Variants in SPAG16 observed in about 807,000 individuals in gnomAD.
SPAG16 encodes sperm associated antigen 16.
SPAG16 carries 86 observed loss-of-function variants against 80.4 expected under a neutral mutation model. The observed-to-expected ratio is 1.07, with a 90% confidence interval of 0.90 to 1.28. SPAG16 has a LOEUF of 1.28. SPAG16 is among the 50% of genes most tolerant of loss of function. The pLI is 0.00. For synonymous variants in SPAG16, 294 were observed against 265.9 expected, an observed-to-expected ratio of 1.11 and a Z score of -1.03; for missense variants, 870 against 765.3, an observed-to-expected ratio of 1.14 and a Z score of -1.61.
chr2:214,064,795 G>C, intron 13 of SPAG16, among the ~76,000 whole-genome samples: 1 of 151,850 alleles, frequency 6.6e-6, no homozygotes, highest in East Asian at 1.9e-4. Flanking sequence ...TACTCTGTGT[G>C]GTAATACAAC....
At chr2:213,400,169 T>C (rs1169066626) in intron 9 of SPAG16, among the ~76,000 whole-genome samples, 4 of 152,148 alleles carry the variant, frequency 2.6e-5, no homozygotes, top group African/African-American at 9.6e-5. Flanking sequence ...TTCATTGTTA[T>C]GATCTTCTTC....
intron 10 of SPAG16, among the ~76,000 whole-genome samples, chr2:213,588,629 C>T (rs1187392067): frequency 8.0e-5 from 12 of 149,502 alleles, no homozygotes; most frequent in East Asian, 7.8e-4. Flanking sequence ...GGTGAAACCC[C>T]GTCTCTACTA....
At chr2:213,507,864 C>T (rs2075030629) in intron 10 of SPAG16, among the ~76,000 whole-genome samples, 1 of 152,122 alleles carries the variant, frequency 6.6e-6, no homozygotes, top group African/African-American at 2.4e-5. Context: ...CTCTATTATC[C>T]CTTCATTTTC....
At chr2:213,706,688 A>G (rs1053350970) in intron 10 of SPAG16, among the ~76,000 whole-genome samples, 2 of 152,244 alleles carry the variant, frequency 1.3e-5, no homozygotes, top group African/African-American at 4.8e-5. Flanking sequence ...CTAATGCTAC[A>G]TCATAACTCA....
chr2:214,324,657 G>T (rs576103549), intron 15 of SPAG16, among the ~76,000 whole-genome samples: 1 of 152,180 alleles, frequency 6.6e-6, no homozygotes, highest in African/African-American at 2.4e-5. Context: ...TCTCCAAAGA[G>T]ATCCAGCATA....
chr2:213,949,130 T>C (rs1232651579), intron 12 of SPAG16, among the ~76,000 whole-genome samples: 1 of 151,562 alleles, frequency 6.6e-6, no homozygotes, highest in Non-Finnish European at 1.5e-5. Context: ...TACAGTTATT[T>C]ATCATTTTAA....
chr2:214,094,476 T>C (rs1463701286), intron 13 of SPAG16, among the ~76,000 whole-genome samples: 2 of 152,114 alleles, frequency 1.3e-5, no homozygotes, highest in Non-Finnish European at 2.9e-5. Context: ...AAATCCTTTT[T>C]CTGTAAAAAT....
chr2:214,025,350 A>G (rs999113561), intron 13 of SPAG16, among the ~76,000 whole-genome samples: 5 of 151,742 alleles, frequency 3.3e-5, no homozygotes, highest in Admixed American at 3.3e-4. Flanking sequence ...CACAGTATGT[A>G]TAGTGTTTAT....
At chr2:213,554,317 G>A (rs1204202583) in intron 10 of SPAG16, among the ~76,000 whole-genome samples, 1 of 152,122 alleles carries the variant, frequency 6.6e-6, no homozygotes, top group African/African-American at 2.4e-5. Context: ...CATTCTCACT[G>A]GTACCAGAAA....
At chr2:214,294,717 A>G (rs981190378) in intron 15 of SPAG16, among the ~76,000 whole-genome samples, 1 of 152,208 alleles carries the variant, frequency 6.6e-6, no homozygotes, top group Admixed American at 6.5e-5. Context: ...ATATTTGACT[A>G]TGTATACTCA....
intron 14 of SPAG16, among the ~76,000 whole-genome samples, chr2:214,129,279 G>A (rs2054645050): frequency 6.6e-6 from 1 of 152,084 alleles, no homozygotes; most frequent in Non-Finnish European, 1.5e-5. Flanking sequence ...CTTTGTTTCA[G>A]TTCCCTGTCC....
At chr2:214,397,187 C>T (rs1701445967) in intron 15 of SPAG16, among the ~76,000 whole-genome samples, 1 of 134,248 alleles carries the variant, frequency 7.4e-6, no homozygotes, top group Non-Finnish European at 1.6e-5. Flanking sequence ...GATGGAGTCT[C>T]GCTCTGTCGC....
intron 10 of SPAG16, among the ~76,000 whole-genome samples, chr2:213,768,958 G>A (rs1325824592): frequency 1.3e-5 from 2 of 152,052 alleles, no homozygotes; most frequent in East Asian, 1.9e-4. Flanking sequence ...GAGGTAAGAG[G>A]GAAACCAGAA....
chr2:213,511,885 A>C (rs2125816885), intron 10 of SPAG16, among the ~76,000 whole-genome samples: 1 of 152,154 alleles, frequency 6.6e-6, no homozygotes, highest in Non-Finnish European at 1.5e-5. Context: ...TTTTTTTCAA[A>C]ATCTCATTTT....
At chr2:213,738,267 A>G (rs780975239) in intron 10 of SPAG16, among the ~76,000 whole-genome samples, 3 of 152,156 alleles carry the variant, frequency 2.0e-5, no homozygotes, top group African/African-American at 4.8e-5. Flanking sequence ...GAAATTGTAG[A>G]TAGTACTGAA....
At chr2:213,720,928 T>C (rs1040142890) in intron 10 of SPAG16, among the ~76,000 whole-genome samples, 2 of 151,616 alleles carry the variant, frequency 1.3e-5, no homozygotes, top group African/African-American at 2.4e-5. Context: ...TTGTATTTTT[T>C]AGTAGAGATG....
At chr2:213,865,441 G>A (rs979775583) in intron 11 of SPAG16, among the ~76,000 whole-genome samples, 36 of 151,326 alleles carry the variant, frequency 2.4e-4, no homozygotes, top group Admixed American at 1.1e-3. Context: ...CAACACTTAC[G>A]AAGTTTATGA....
At chr2:213,779,150 G>A (rs1166066423) in intron 10 of SPAG16, among the ~76,000 whole-genome samples, 7 of 152,004 alleles carry the variant, frequency 4.6e-5, no homozygotes, top group African/African-American at 1.7e-4. Flanking sequence ...AATGTTTCTT[G>A]AGAATATTGC....
chr2:213,870,716 GGTT>G (rs1318417544), intron 11 of SPAG16, among the ~76,000 whole-genome samples: 7 of 152,150 alleles, frequency 4.6e-5, no homozygotes, highest in Non-Finnish European at 1.0e-4. Context: ...GCATTATTAT[GGTT>G]GTTGTTGTTT....
Sources: gnomAD v4.1 joint callset for allele counts (sites outside exome capture counted in the v4.1 genomes callset) on GRCh38, gnomAD v4.1.1 for gene constraint, MANE v1.5 for transcripts, NCBI Gene and HGNC (gene_info 2026-07-23, HGNC 2026-07-21) for gene names.